Variants in NOL4 observed in about 807,000 individuals in gnomAD.
NOL4 encodes the protein cancer/testis antigen 125.
In NOL4, 17 loss-of-function variants were observed where a neutral mutation model predicts 75.9. The observed-to-expected ratio is 0.22, with a 90% CI of 0.15 to 0.34. The LOEUF (loss-of-function observed/expected upper bound fraction) is 0.34. Among genes scored for constraint, NOL4 ranks in the 10% least tolerant of loss-of-function variants. NOL4 has a pLI of 1.00. For synonymous variants in NOL4, 292 were observed against 289.9 expected (o/e 1.01, Z -0.07); for missense variants, 614 against 793.5 (o/e 0.77, Z 2.72).
At chr18:34,047,321 T>C (rs1311110446) in intron 5 of NOL4, among the ~76,000 whole-genome samples, 2 of 152,106 alleles carry the variant, frequency 1.3e-5, no homozygotes, top group African/African-American at 2.4e-5. Flanking sequence ...ATGTTATTTG[T>C]AGTGTGTAGT....
intron 5 of NOL4, among the ~76,000 whole-genome samples, chr18:34,046,837 T>C (rs1018004570): frequency 1.3e-5 from 2 of 151,712 alleles, no homozygotes; most frequent in Non-Finnish European, 2.9e-5. Flanking sequence ...GCTACTTTAA[T>C]TTGTTCTCTG....
chr18:33,975,383 A>T (rs919278221), intron 6 of NOL4, among the ~76,000 whole-genome samples: 1 of 152,220 alleles, frequency 6.6e-6, no homozygotes, highest in Admixed American at 6.5e-5. Context: ...AAGAAATCTA[A>T]TTATAAGGTA....
chr18:33,909,887 G>GTGA (rs1262009246), intron 9 of NOL4, among the ~76,000 whole-genome samples: 1 of 152,002 alleles, frequency 6.6e-6, no homozygotes, highest in East Asian at 1.9e-4. Context: ...AAAAAAATGG[G>GTGA]TGATGTAAAC....
chr18:33,977,746 TATATGTTC>T (rs1383147348), intron 6 of NOL4, among the ~76,000 whole-genome samples: 1 of 152,190 alleles, frequency 6.6e-6, no homozygotes, highest in Non-Finnish European at 1.5e-5. Context: ...TAAATTAAAT[TATATGTTC>T]ATATATGTAT....
At chr18:34,044,775 C>T (rs2076287718) in intron 5 of NOL4, among the ~76,000 whole-genome samples, 1 of 152,228 alleles carries the variant, frequency 6.6e-6, no homozygotes, top group South Asian at 2.1e-4. Flanking sequence ...TCCTGCCTCC[C>T]ATTACCGCCA....
intron 9 of NOL4, among the ~76,000 whole-genome samples, chr18:33,930,845 A>G (rs1173885406): frequency 6.6e-6 from 1 of 152,162 alleles, no homozygotes; most frequent in Non-Finnish European, 1.5e-5. Context: ...AAATAGTTGA[A>G]TGAAAAATAA....
chr18:34,221,453 A>T (rs1345623801), intron 1 of NOL4: 1 of 152,200 alleles, frequency 6.6e-6, no homozygotes, highest in Non-Finnish European at 1.5e-5. Flanking sequence ...GATGTAAATA[A>T]ACCTCAGTTC....
Position 34,019,435 on chromosome 18 carries a change from C to A in NOL4, c.939G>T (p.Ala313=). ...CTATTCTGTATTCCGAAGTTAGCTG[C>A]GCAGAGAGGGGACTGTCACTCAGGT... ...PLNLSDSPLS[A]QLTSEYRIDD... Residue 313 remains alanine, a synonymous_variant, in exon 6 of 11, where the codon GCG becomes GCT. Transcript: ENST00000261592. The A allele has an allele frequency of 3.1e-6, 5 of 1,613,900 alleles. No individual in the cohort carries two copies. Among genetic ancestry groups the A allele is most frequent in the Non-Finnish European group, 4.2e-6 (5 of 1,179,958 alleles).
intron 5 of NOL4, among the ~76,000 whole-genome samples, chr18:34,031,743 T>C (rs2075648648): frequency 2.0e-5 from 3 of 152,214 alleles, no homozygotes; most frequent in African/African-American, 7.2e-5. Flanking sequence ...GGGTGTCAGA[T>C]GCCAAGAGAG....
chr18:34,037,028 C>G (rs1388829604), intron 5 of NOL4, among the ~76,000 whole-genome samples: 1 of 152,078 alleles, frequency 6.6e-6, no homozygotes, highest in Non-Finnish European at 1.5e-5. Flanking sequence ...CTAGCAAAAC[C>G]AAAGATTCCA....
intron 5 of NOL4, among the ~76,000 whole-genome samples, chr18:34,091,205 A>T (rs1371572322): frequency 1.3e-5 from 2 of 151,318 alleles, no homozygotes; most frequent in Non-Finnish European, 2.9e-5. Flanking sequence ...CAAAAAAAAA[A>T]AAAAAAAATT....
intron 1 of NOL4, among the ~76,000 whole-genome samples, chr18:34,146,662 T>G (rs533313416): frequency 1.3e-5 from 2 of 152,310 alleles, no homozygotes; most frequent in Non-Finnish European, 2.9e-5. Flanking sequence ...GGTAGTGTGA[T>G]GCCTCCAGCT....
At chr18:33,855,717 CACCA>C (rs1222904699) in intron 10 of NOL4, among the ~76,000 whole-genome samples, 1 of 152,062 alleles carries the variant, frequency 6.6e-6, no homozygotes, top group Non-Finnish European at 1.5e-5. Flanking sequence ...AAGCTCCACA[CACCA>C]AAACGAATTA....
At chr18:33,965,425 C>A (rs530749495) in intron 6 of NOL4, among the ~76,000 whole-genome samples, 1 of 152,096 alleles carries the variant, frequency 6.6e-6, no homozygotes, top group South Asian at 2.1e-4. Flanking sequence ...CCCACGAATC[C>A]CAGGCTGCTG....
rs927649148 is a variant in NOL4, at chr18:34,224,196, G to C, written c.-943C>G. 2.6e-5 allele frequency: 4 copies of C among 152,334 alleles called. No individual in the cohort carries two copies. The highest frequency in any genetic ancestry group is 6.5e-5 in the Admixed American group (1 of 15,292). 9.4% of individuals were successfully genotyped at this position (152,334 alleles called of 1,614,324 possible). A position where few individuals can be genotyped will look rare whatever the true frequency, so the allele number is the denominator to read the frequency against. On this transcript the variant is annotated 5_prime_UTR_variant, in exon 1 of 11. Transcript: ENST00000261592. ...ATCCCGAATAATGATGGGACCCCCA[G>C]ACAGGACTCCTCTGGTTTCTGCTGA...
chr18:34,063,906 T>A (rs2077163595), intron 5 of NOL4, among the ~76,000 whole-genome samples: 2 of 151,778 alleles, frequency 1.3e-5, no homozygotes, highest in Non-Finnish European at 1.5e-5. Flanking sequence ...ATCCTAGGAG[T>A]TCTACAAAAG....
intron 10 of NOL4, among the ~76,000 whole-genome samples, chr18:33,857,643 G>A (rs2062897438): frequency 6.6e-6 from 1 of 151,978 alleles, no homozygotes; most frequent in Non-Finnish European, 1.5e-5. Flanking sequence ...CTGCTGTGTG[G>A]TAGGACAACT....
intron 9 of NOL4, among the ~76,000 whole-genome samples, chr18:33,914,572 G>T (rs1489660122): frequency 2.0e-5 from 3 of 152,104 alleles, no homozygotes; most frequent in African/African-American, 4.8e-5. Flanking sequence ...GAGGATGACT[G>T]GCTAGGAAGT....
rs76970817 is a variant in NOL4 at position 34,161,489 on chromosome 18, C to T, written c.265-31469G>A. Among the ~76,000 whole-genome samples, 1,039 of 152,268 alleles carry T rather than the reference C, an allele frequency of 6.8e-3. 13 individuals are homozygous for T. The highest frequency in any genetic ancestry group is 0.023 in the African/African-American group (949 of 41,560). Reference sequence around the variant, plus strand: ...CACTATTATGTTTATTCCTTCTTCTCCACGACCTCTCCAGCATTTCTTGTT... The same window carrying T: ...CACTATTATGTTTATTCCTTCTTCTTCACGACCTCTCCAGCATTTCTTGTT... On this transcript the variant is annotated intron_variant, in intron 1 of 10. Transcript: ENST00000261592.
Sources: gnomAD v4.1 joint callset for allele counts (sites outside exome capture counted in the v4.1 genomes callset) on GRCh38, gnomAD v4.1.1 for gene constraint, MANE v1.5 for transcripts, NCBI Gene and HGNC (gene_info 2026-07-23, HGNC 2026-07-21) for gene names.